Variants in MACROD2 observed in about 807,000 individuals in gnomAD.
MACROD2 encodes ADP-ribose glycohydrolase MACROD2.
In MACROD2, 36 loss-of-function variants were observed where a neutral mutation model predicts 70.4. That is an observed-to-expected ratio of 0.51 (90% confidence interval 0.39 to 0.68). MACROD2 has a LOEUF of 0.68. Among genes scored for constraint, MACROD2 ranks in the 30% least tolerant of loss-of-function variants. The pLI, the probability that MACROD2 is intolerant of heterozygous loss-of-function variation, is 0.00. For missense variants in MACROD2, 496 were observed against 538.4 expected (o/e 0.92, Z 0.78); for synonymous variants, 172 against 178.8 (o/e 0.96, Z 0.30).
Position 14,463,983 on chromosome 20 carries a change from G to C in MACROD2, c.272-29496G>C, listed in dbSNP as rs867168822. ...GCATCAATGTTCATCAAGGATATTG[G>C]TCTAAAATTCTCTTTTTTTGTTGTG... On this transcript the variant is annotated intron_variant, in intron 3 of 17. Coordinates refer to ENST00000684519, the MANE Select transcript of MACROD2 (RefSeq NM_001351661.2). Among the ~76,000 whole-genome samples, 26 of 152,050 alleles carry C rather than the reference G, an allele frequency of 1.7e-4. 1 individual carries two copies. Among genetic ancestry groups the C allele is most frequent in the African/African-American group, 6.0e-4 (25 of 41,434 alleles).
intron 5 of MACROD2, among the ~76,000 whole-genome samples, chr20:15,215,280 G>A (rs1367903529): frequency 6.6e-6 from 1 of 151,154 alleles, no homozygotes; most frequent in Non-Finnish European, 1.5e-5. Flanking sequence ...GTGTGTGTGT[G>A]TGTGTGTGTG....
intron 15 of MACROD2, among the ~76,000 whole-genome samples, chr20:16,006,190 T>G (rs908889967): frequency 1.3e-5 from 2 of 152,146 alleles, no homozygotes; most frequent in Admixed American, 1.3e-4. Flanking sequence ...CTCCAGGGCT[T>G]TGGGACTCTA....
intron 4 of MACROD2, among the ~76,000 whole-genome samples, chr20:14,532,651 C>T (rs1021790150): frequency 1.3e-5 from 2 of 152,186 alleles, no homozygotes; most frequent in Non-Finnish European, 2.9e-5. Flanking sequence ...TTTCTCCCCC[C>T]TCTTGGTTAA....
At chr20:15,611,135 C>T (rs1600665394) in intron 8 of MACROD2, among the ~76,000 whole-genome samples, 2 of 151,536 alleles carry the variant, frequency 1.3e-5, no homozygotes, top group East Asian at 2.0e-4. Context: ...GCACACTGCT[C>T]ATTCATGGAG....
chr20:15,768,445 G>A (rs1385030784), intron 8 of MACROD2, among the ~76,000 whole-genome samples: 1 of 152,052 alleles, frequency 6.6e-6, no homozygotes, highest in African/African-American at 2.4e-5. Context: ...GATAAAAATG[G>A]TCCACTTGTA....
intron 6 of MACROD2, among the ~76,000 whole-genome samples, chr20:15,318,851 A>G (rs1459358409): frequency 6.6e-6 from 1 of 152,174 alleles, no homozygotes; most frequent in Non-Finnish European, 1.5e-5. Flanking sequence ...CTGATGATTA[A>G]TACCATGGTC....
chr20:15,430,633 C>G (rs1388658083), intron 6 of MACROD2, among the ~76,000 whole-genome samples: 3 of 151,824 alleles, frequency 2.0e-5, no homozygotes, highest in Non-Finnish European at 4.4e-5. Context: ...CTGAACACTG[C>G]TAAGCAAAAT....
chr20:15,847,079 T>C (rs1462119275), intron 8 of MACROD2, among the ~76,000 whole-genome samples: 1 of 152,098 alleles, frequency 6.6e-6, no homozygotes, highest in African/African-American at 2.4e-5. Context: ...ATAGAATCCT[T>C]CTTAAAGTTT....
At chr20:14,599,057 T>C (rs6042809) in intron 4 of MACROD2, among the ~76,000 whole-genome samples, 17,916 of 152,196 alleles carry the variant, frequency 0.12, 2,178 homozygotes, top group African/African-American at 0.31. Flanking sequence ...CCAAAAGGTG[T>C]CTGGGTATGT....
chr20:14,686,333 CACATA>C (rs1444813788), intron 5 of MACROD2, among the ~76,000 whole-genome samples: 1 of 152,108 alleles, frequency 6.6e-6, no homozygotes, highest in Non-Finnish European at 1.5e-5. Flanking sequence ...GCACCTTATA[CACATA>C]ACATGAGTGT....
chr20:15,912,378 T>TCTTTACAG (rs1378824557), intron 10 of MACROD2, among the ~76,000 whole-genome samples: 1 of 152,214 alleles, frequency 6.6e-6, no homozygotes, highest in Admixed American at 6.5e-5. Flanking sequence ...GCAATAGGCT[T>TCTTTACAG]CAATAACTAG....
intron 4 of MACROD2, among the ~76,000 whole-genome samples, chr20:14,682,011 T>C (rs1336299916): frequency 6.6e-6 from 1 of 152,122 alleles, no homozygotes; most frequent in African/African-American, 2.4e-5. Flanking sequence ...ATTGATGCAT[T>C]TGGTACATTT....
At chr20:14,253,117 T>A (rs1033863052) in intron 3 of MACROD2, among the ~76,000 whole-genome samples, 3 of 152,028 alleles carry the variant, frequency 2.0e-5, no homozygotes, top group African/African-American at 7.2e-5. Context: ...GGTATATTTT[T>A]AATTTTGTTT....
rs80069541 is a variant in MACROD2, at chr20:15,605,196, G to C, written c.645+105349G>C. ...CTACCTACAAGGCAACTTATGTGTAGTCCATGACTTGATCTCTTTTATTTC... is the reference window on the plus strand; with the variant it reads ...CTACCTACAAGGCAACTTATGTGTACTCCATGACTTGATCTCTTTTATTTC... On this transcript the variant is annotated intron_variant, in intron 8 of 17. Transcript: ENST00000684519. 8.3e-3 allele frequency among the ~76,000 whole-genome samples: 1,267 copies of C among 152,136 alleles called. 7 individuals carry two copies. The highest frequency in any genetic ancestry group is 0.014 in the Non-Finnish European group (971 of 67,996).
chr20:15,938,165 A>G (rs532612030), intron 12 of MACROD2, among the ~76,000 whole-genome samples: 2 of 152,290 alleles, frequency 1.3e-5, no homozygotes, highest in East Asian at 3.9e-4. Context: ...AATTAAAAAA[A>G]TATATATCTA....
chr20:15,496,854 A>T (rs1568849077), intron 7 of MACROD2, among the ~76,000 whole-genome samples: 1 of 152,202 alleles, frequency 6.6e-6, no homozygotes, highest in Non-Finnish European at 1.5e-5. Context: ...AACTATGCCT[A>T]TGCCTAGGAA....
At chr20:15,284,999 G>T (rs563071593) in intron 6 of MACROD2, among the ~76,000 whole-genome samples, 4 of 152,248 alleles carry the variant, frequency 2.6e-5, no homozygotes, top group Non-Finnish European at 4.4e-5. Context: ...ACACTGGTTT[G>T]CTGACGGCAG....
intron 5 of MACROD2, among the ~76,000 whole-genome samples, chr20:14,828,284 G>A (rs1294014969): frequency 1.3e-5 from 2 of 152,044 alleles, no homozygotes; most frequent in African/African-American, 4.8e-5. Flanking sequence ...GATGAAAAAC[G>A]TTTCTTTGAC....
intron 4 of MACROD2, among the ~76,000 whole-genome samples, chr20:14,587,426 G>T (rs1600420159): frequency 6.6e-6 from 1 of 151,666 alleles, no homozygotes. Context: ...TTAGAATTGA[G>T]TTGTTTTATA....
Sources: gnomAD v4.1 joint callset for allele counts (sites outside exome capture counted in the v4.1 genomes callset) on GRCh38, gnomAD v4.1.1 for gene constraint, MANE v1.5 for transcripts, NCBI Gene and HGNC (gene_info 2026-07-23, HGNC 2026-07-21) for gene names.